ZNF14: variants seen among roughly 807,000 people sequenced by gnomAD.
ZNF14 encodes gonadotropin inducible transcription repressor-4.
ZNF14 carries 9 observed loss-of-function variants against 11.3 expected under a neutral mutation model. The observed-to-expected ratio is 0.80, with a 90% CI of 0.48 to 1.39. The LOEUF (loss-of-function observed/expected upper bound fraction) is 1.39, where lower values mean the gene tolerates loss of function less well. Among genes scored for constraint, ZNF14 ranks in the 40% most tolerant of loss-of-function variants. The probability of loss-of-function intolerance (pLI) is 0.00; values close to 1 mark genes in which losing one functional copy is unlikely to be tolerated. For missense variants in ZNF14, 711 were observed against 763.9 expected (o/e 0.93, Z 0.82); for synonymous variants, 239 against 245.7 (o/e 0.97, Z 0.25).
rs2062360522 is a variant in ZNF14 at position 19,711,658 on chromosome 19, A to C, written c.1623T>G (p.Leu541=). The change falls in exon 4 of 4, where the codon CTT becomes CTG. Residue 541 remains leucine (L), a synonymous_variant. Coordinates refer to ENST00000344099, the MANE Select transcript of ZNF14 (RefSeq NM_021030.3). ...CATGCAATCGAATTTGACTGGAACG[A>C]AGGAAGGCCTTACCACATTGCTTAC... is the stretch of plus-strand genomic sequence containing the variant. ...FECKQCGKAF[L]RSSQIRLHER... is the part of the protein sequence containing the mutation. 3 of 1,613,902 alleles carry C rather than the reference A, an allele frequency of 1.9e-6. No homozygotes were observed. Among genetic ancestry groups the C allele is most frequent in the Non-Finnish European group, 2.5e-6 (3 of 1,180,012 alleles).
Position 19,712,267 on chromosome 19 carries a change from T to A in ZNF14, c.1014A>T (p.Lys338Asn). ...AAGAGTTGAAGGCTTTCCCACATTC[T>A]TTACATTTATAAGGTCGAGCCCCAG... ...IHTGARPYKC[K>N]ECGKAFNSSN... Residue 338 changes from lysine (K) to asparagine (N), a missense_variant, in exon 4 of 4, where the codon AAA becomes AAT. By Grantham distance (94) the Lys-to-Asn change is moderately conservative. Coordinates refer to ENST00000344099, the MANE Select transcript of ZNF14 (RefSeq NM_021030.3). 1.2e-6 allele frequency: 2 copies of A among 1,613,820 alleles called. No individual in the cohort carries two copies. Among genetic ancestry groups the A allele is most frequent in the Non-Finnish European group, 1.7e-6 (2 of 1,179,926 alleles).
rs1450210816 is a variant in ZNF14, at chr19:19,711,531, C to A, written c.1750G>T (p.Glu584Ter). 2 of 1,613,520 alleles carry A rather than the reference C, an allele frequency of 1.2e-6. No homozygotes were observed. The highest frequency in any genetic ancestry group is 8.5e-7 in the Non-Finnish European group (1 of 1,179,850). ...FRMHERTHTG[E>*]KPYRCKQCGK... ...CATTGTTTACATCGATAGGGTTTCT[C>A]TCCCGTGTGAGTTCTCTCATGCATT... Residue 584 changes from glutamate to a stop codon, truncating the protein, a stop_gained, in exon 4 of 4, where the codon GAG (glutamate) becomes TAG (stop). Transcript: ENST00000344099. LOFTEE classifies it low-confidence loss of function (END_TRUNC).
intron 1 of ZNF14, among the ~76,000 whole-genome samples, chr19:19,726,659 G>T (rs1260843070): frequency 1.5e-5 from 2 of 133,926 alleles, no homozygotes; most frequent in African/African-American, 2.8e-5. Context: ...GCTGCCTTTT[G>T]TTCAGCTATG....
chr19:19,720,939 CCTCCT>C lies in ZNF14; in HGVS notation c.4-6457_4-6453del, dbSNP rs1389058074. 3.1e-4 allele frequency among the ~76,000 whole-genome samples: 47 copies of C among 151,776 alleles called. No homozygotes were observed. The highest frequency in any genetic ancestry group is 1.1e-3 in the African/African-American group (45 of 41,406). Reference sequence around the variant, plus strand: ...AAAGAGAAAGCATTCATAAGAACAACCTCCTACTCTTACTTTATTTATTTATTGAT... The same window carrying C: ...AAAGAGAAAGCATTCATAAGAACAACACTCTTACTTTATTTATTTATTGAT... On this transcript the variant is annotated intron_variant, in intron 1 of 3. Coordinates refer to ENST00000344099, the MANE Select transcript of ZNF14 (RefSeq NM_021030.3). This position sits in a 1 kb window ranked among gnomAD's most constrained non-coding sequence, Gnocchi z 4.1.
chr19:19,712,967 C>T lies in ZNF14; in HGVS notation c.314G>A (p.Cys105Tyr). Residue 105 changes from cysteine to tyrosine, a missense_variant, in exon 4 of 4, where the codon TGC becomes TAC. By Grantham distance (194) the Cys-to-Tyr change is radical. Transcript: ENST00000344099. ...AATGAAGTCTCTTCCACAAAAGCTG[C>T]ATTCATGTGGTTTTGCTCCAGTAAA... ...ETFTGAKPHE[C>Y]SFCGRDFIHH... 6.2e-7 allele frequency: 1 copy of T among 1,614,126 alleles called. No individual in the cohort carries two copies. The highest frequency in any genetic ancestry group is 8.5e-7 in the Non-Finnish European group (1 of 1,180,026).
chr19:19,729,667 A>T (rs1455102673), intron 1 of ZNF14, among the ~76,000 whole-genome samples: 1 of 152,186 alleles, frequency 6.6e-6, no homozygotes, highest in Non-Finnish European at 1.5e-5. Flanking sequence ...GATTATGTAG[A>T]CAGAGTTGTC....
At position 19,726,887 on chromosome 19, in the gene ZNF14, G is replaced by T. The variant is rs1320915312; in HGVS notation, c.3+6069C>A. 1.5e-5 allele frequency among the ~76,000 whole-genome samples: 2 copies of T among 134,372 alleles called. 1 individual carries two copies. The highest frequency in any genetic ancestry group is 4.2e-4 in the East Asian group (2 of 4,744). The allele number at this position is 134,372 out of a possible 152,430, so 88.2% of individuals were successfully genotyped here. A position where few individuals can be genotyped will look rare whatever the true frequency, so the allele number is the denominator to read the frequency against. Reference sequence around the variant, plus strand: ...CGTGGGTGTGGGACCCTCCGAGCCAGGCATGGGATATAATCTCCTGGTGTG... The same window carrying T: ...CGTGGGTGTGGGACCCTCCGAGCCATGCATGGGATATAATCTCCTGGTGTG... On this transcript the variant is annotated intron_variant, in intron 1 of 3. Transcript: ENST00000344099.
At chr19:19,715,353 C>T (rs2062374943) in intron 1 of ZNF14, among the ~76,000 whole-genome samples, 1 of 152,130 alleles carries the variant, frequency 6.6e-6, no homozygotes, top group South Asian at 2.1e-4. Context: ...GACTCCAGGC[C>T]ACTACTGCAG....
chr19:19,716,326 T>C (rs73006756), intron 1 of ZNF14, among the ~76,000 whole-genome samples: 14,297 of 152,238 alleles, frequency 0.094, 729 homozygotes, highest in Middle Eastern at 0.16. Context: ...AGTTTCGCTG[T>C]TGCCCAGGTT....
At chr19:19,729,806 T>C (rs2062417974) in intron 1 of ZNF14, among the ~76,000 whole-genome samples, 1 of 152,114 alleles carries the variant, frequency 6.6e-6, no homozygotes, top group Non-Finnish European at 1.5e-5. Flanking sequence ...GCTTCCACCT[T>C]AACATATATT....
intron 1 of ZNF14, among the ~76,000 whole-genome samples, chr19:19,731,982 T>C (rs1000068576): frequency 6.6e-6 from 1 of 152,052 alleles, no homozygotes; most frequent in African/African-American, 2.4e-5. Flanking sequence ...GCAGAATGGC[T>C]TGAACCTGGG....
chr19:19,730,636 G>C (rs569488145), intron 1 of ZNF14, among the ~76,000 whole-genome samples: 1 of 152,284 alleles, frequency 6.6e-6, no homozygotes, highest in East Asian at 1.9e-4. Flanking sequence ...ATACAGGCCG[G>C]GCGCAGTGGC....
intron 1 of ZNF14, among the ~76,000 whole-genome samples, chr19:19,730,026 C>G (rs1412162298): frequency 2.0e-5 from 3 of 152,002 alleles, no homozygotes; most frequent in Non-Finnish European, 4.4e-5. Context: ...TGCAAACTAC[C>G]TTTATTTATT....
At position 19,712,766 on chromosome 19, in the gene ZNF14, T is replaced by C; in HGVS notation, c.515A>G (p.Lys172Arg). Residue 172 changes from lysine to arginine, a missense_variant, in exon 4 of 4, where the codon AAA becomes AGA. Physicochemically the swap from Lys to Arg is conservative, Grantham distance 26. Transcript: ENST00000344099. The stretch of plus-strand genomic sequence containing the variant: ...ATATATAAAGGCTTTCCCACACTGT[T>C]TACATTCATAGGGCTTCACTCCAGT... ...THTGVKPYECKQCGKAFIYYQ... is the reference protein window; with the variant it reads ...THTGVKPYECRQCGKAFIYYQ... The C allele has an allele frequency of 6.2e-7, 1 of 1,614,008 alleles. No individual in the cohort carries two copies. Among genetic ancestry groups the C allele is most frequent in the Non-Finnish European group, 8.5e-7 (1 of 1,179,960 alleles).
Position 19,711,191 on chromosome 19 carries a change from G to C in ZNF14, c.*161C>G. The stretch of plus-strand genomic sequence containing the variant: ...TAATCACAATGTTTACATTCATACT[G>C]TTTCTCACCAGTGGGAATTCTTTCG... On this transcript the variant is annotated 3_prime_UTR_variant, in exon 4 of 4. Coordinates refer to ENST00000344099, the MANE Select transcript of ZNF14 (RefSeq NM_021030.3). 1.4e-6 allele frequency: 1 copy of C among 713,276 alleles called. No individual in the cohort carries two copies. The highest frequency in any genetic ancestry group is 2.2e-6 in the Non-Finnish European group (1 of 464,332). The allele number at this position is 713,276 out of a possible 1,614,324, so 44.2% of individuals were successfully genotyped here. A position where few individuals can be genotyped will look rare whatever the true frequency, so the allele number is the denominator to read the frequency against.
rs2062359985 is a variant in ZNF14, at chr19:19,711,544, T to C, written c.1737A>G (p.Arg579=). 6.2e-7 allele frequency: 1 copy of C among 1,612,828 alleles called. No homozygotes were observed. The highest frequency in any genetic ancestry group is 8.5e-7 in the Non-Finnish European group (1 of 1,179,654). The change falls in exon 4 of 4, where the codon AGA becomes AGG. Residue 579 remains arginine (R), a synonymous_variant. Coordinates refer to ENST00000344099, the MANE Select transcript of ZNF14 (RefSeq NM_021030.3). ...GATAGGGTTTCTCTCCCGTGTGAGT[T>C]CTCTCATGCATTCGAAATTTACTGG... ...ISSSKFRMHE[R]THTGEKPYRC...
At chr19:19,713,519 G>C (rs2062368452) in intron 3 of ZNF14, among the ~76,000 whole-genome samples, 1 of 151,920 alleles carries the variant, frequency 6.6e-6, no homozygotes, top group African/African-American at 2.4e-5. Context: ...CACGATCTAG[G>C]CTCACTGCAG....
In ZNF14 at chr19:19,713,060, C is replaced by T. The variant is rs943353555; in HGVS notation, c.221G>A (p.Ser74Asn). The change falls in exon 4 of 4, where the codon AGT becomes AAT. Residue 74 changes from serine to asparagine, a missense_variant. By Grantham distance (46) the Ser-to-Asn change is conservative. Coordinates refer to ENST00000344099, the MANE Select transcript of ZNF14 (RefSeq NM_021030.3). Reference sequence around the variant, plus strand: ...TTCTCCACATTTGCTACCTCTTCTACTTTCACAGAGTCTCTCAACCATATG... The same window carrying T: ...TTCTCCACATTTGCTACCTCTTCTATTTTCACAGAGTCTCTCAACCATATG... ...RCHMVERLCE[S>N]RRGSKCGETT... 6.2e-7 allele frequency: 1 copy of T among 1,607,454 alleles called. No homozygotes were observed. Among genetic ancestry groups the T allele is most frequent in the Non-Finnish European group, 8.5e-7 (1 of 1,176,470 alleles).
intron 1 of ZNF14, among the ~76,000 whole-genome samples, chr19:19,719,882 A>C (rs1399640114): frequency 6.6e-6 from 1 of 152,204 alleles, no homozygotes; most frequent in African/African-American, 2.4e-5. Context: ...AAAATAAAGG[A>C]ATGAAGAAAG....
Sources: allele counts gnomAD v4.1 joint callset (sites outside exome capture counted in the v4.1 genomes callset), GRCh38; gene constraint gnomAD v4.1.1; non-coding constraint Gnocchi (gnomAD v3.1); transcripts MANE v1.5; gene names NCBI Gene and HGNC (gene_info 2026-07-23, HGNC 2026-07-21).